MYPN: variants seen among roughly 807,000 people sequenced by gnomAD.
The protein encoded by MYPN is sarcomeric protein myopalladin, 145 kDa (MYOP).
Under a neutral mutation model 129.4 loss-of-function variants are expected in MYPN, and 63 were observed. The ratio of observed to expected loss-of-function variants is 0.49; its 90% CI spans 0.40 to 0.60. MYPN has a LOEUF of 0.60. MYPN is among the 20% of genes least tolerant of loss of function. The pLI, the probability that MYPN is intolerant of heterozygous loss-of-function variation, is 0.00. For missense variants in MYPN, 1,596 were observed against 1,635.4 expected, an observed-to-expected ratio of 0.98 and a Z score of 0.42; for synonymous variants, 629 against 600.9, an observed-to-expected ratio of 1.05 and a Z score of -0.68.
intron 6 of MYPN, 100 bp from the exon 7 acceptor site, chr10:68,158,386 C>T: frequency 8.4e-7 from 1 of 1,191,096 alleles, no homozygotes; most frequent in South Asian, 1.3e-5. Flanking sequence ...GAGAAAAATC[C>T]AAATATGGAG....
chr10:68,168,925 G>C (rs937213704), intron 10 of MYPN, among the ~76,000 whole-genome samples: 4 of 145,358 alleles, frequency 2.8e-5, no homozygotes, highest in African/African-American at 7.9e-5. Context: ...CCCAGGCACA[G>C]AGGTTGCAGT....
chr10:68,199,514 T>C lies in MYPN; in HGVS notation c.3432T>C (p.Tyr1144=). 2 of 1,614,148 alleles carry C rather than the reference T, an allele frequency of 1.2e-6. No individual in the cohort carries two copies. The highest frequency in any genetic ancestry group is 1.1e-5 in the South Asian group (1 of 91,086). ...DPLTQRDAGT[Y]KCIATNKTGQ... ...TCACTCAGCGCGACGCAGGGACCTA[T>C]AAGTGCATCGCTACCAACAAAACCG... is the stretch of plus-strand genomic sequence containing the variant. Residue 1144 remains tyrosine, a synonymous_variant, in exon 17 of 20, where the codon TAT becomes TAC. Transcript: ENST00000358913.
chr10:68,152,292 G>A (rs929706173), intron 6 of MYPN, among the ~76,000 whole-genome samples: 7 of 152,020 alleles, frequency 4.6e-5, no homozygotes, highest in Non-Finnish European at 7.4e-5. Context: ...TTCCAGGAGG[G>A]TATAATGAGG....
intron 12 of MYPN, among the ~76,000 whole-genome samples, chr10:68,180,443 C>T (rs1374348057): frequency 1.3e-5 from 2 of 152,222 alleles, no homozygotes; most frequent in Non-Finnish European, 2.9e-5. Flanking sequence ...GCCTTAGCCT[C>T]CCAAAGTGCT....
intron 17 of MYPN, among the ~76,000 whole-genome samples, chr10:68,201,238 C>A (rs2043704541): frequency 6.6e-6 from 1 of 152,162 alleles, no homozygotes; most frequent in Non-Finnish European, 1.5e-5. Flanking sequence ...GCATCCCATG[C>A]GAACGACCCA....
chr10:68,175,498 T>A (rs1352483680), intron 12 of MYPN, 37 bp downstream of exon 12: 2 of 1,611,100 alleles, frequency 1.2e-6, no homozygotes, highest in African/African-American at 2.7e-5. Flanking sequence ...ATTGAAATTT[T>A]ATTGTAAGGA....
At chr10:68,141,079 C>G (rs1030784470) in intron 2 of MYPN, among the ~76,000 whole-genome samples, 4 of 150,922 alleles carry the variant, frequency 2.7e-5, no homozygotes, top group Admixed American at 6.6e-5. Context: ...CACCACCCCC[C>G]CAAAAAAAGG....
At chr10:68,120,558 G>A (rs1277682123) in intron 1 of MYPN, among the ~76,000 whole-genome samples, 1 of 152,136 alleles carries the variant, frequency 6.6e-6, no homozygotes, top group Non-Finnish European at 1.5e-5. Context: ...AACAGGTTGA[G>A]CCTAATAACA....
intron 18 of MYPN, among the ~76,000 whole-genome samples, chr10:68,205,581 G>T (rs562747606): frequency 6.6e-6 from 1 of 151,822 alleles, no homozygotes; most frequent in Admixed American, 6.6e-5. Flanking sequence ...CAGCTACTTG[G>T]AAAGCTGAGG....
chr10:68,189,081 T>G lies in MYPN; in HGVS notation c.2880T>G (p.Ser960=), dbSNP rs146028308. ...AGCACTTCCGGGTCACAGAAGGCTC[T>G]CCAGTTACATTCACCTGCAAAATTG... ...RLKHFRVTEG[S]PVTFTCKIVG... The change falls in exon 13 of 20, where the codon TCT becomes TCG. Residue 960 remains serine (S), a synonymous_variant. Transcript: ENST00000358913. The G allele has an allele frequency of 1.9e-4, 314 of 1,614,116 alleles. 1 individual carries two copies. In the African/African-American group the frequency reaches 2.7e-3, roughly 14 times the overall value.
At chr10:68,158,360 A>G (rs934857765) in intron 6 of MYPN, 126 bp from the exon 7 acceptor site, 29 of 863,426 alleles carry the variant, frequency 3.4e-5, no homozygotes, top group Middle Eastern at 3.2e-4. Flanking sequence ...AAGCTGCTAG[A>G]GATGTAGATG....
chr10:68,132,182 A>G (rs1392662864), intron 2 of MYPN, among the ~76,000 whole-genome samples: 1 of 152,228 alleles, frequency 6.6e-6, no homozygotes, highest in Non-Finnish European at 1.5e-5. Context: ...CTAAAATACT[A>G]AGATTTTTAA....
upstream of MYPN, among the ~76,000 whole-genome samples, chr10:68,102,046 A>G (rs565986593): frequency 6.6e-6 from 1 of 151,592 alleles, no homozygotes; most frequent in Non-Finnish European, 1.5e-5. Flanking sequence ...TTGAATGATG[A>G]ATATTACCAA....
chr10:68,176,023 A>G (rs1379901607), intron 12 of MYPN, among the ~76,000 whole-genome samples: 1 of 152,158 alleles, frequency 6.6e-6, no homozygotes, highest in Non-Finnish European at 1.5e-5. Context: ...GATTACAGGC[A>G]TAAGACACCA....
At chr10:68,164,277 G>A (rs1465489802) in intron 8 of MYPN, among the ~76,000 whole-genome samples, 1 of 152,238 alleles carries the variant, frequency 6.6e-6, no homozygotes, top group Non-Finnish European at 1.5e-5. Flanking sequence ...GGGCAAGAGA[G>A]CAAATGCGCA....
intron 12 of MYPN, among the ~76,000 whole-genome samples, chr10:68,185,273 AAG>A (rs2043403586): frequency 6.6e-6 from 1 of 152,094 alleles, no homozygotes; most frequent in Non-Finnish European, 1.5e-5. Context: ...GAAAAAAAGA[AAG>A]AAAGAAACTG....
At position 68,136,256 on chromosome 10, in the gene MYPN, C is replaced by T. The variant is rs146765800; in HGVS notation, c.903-6684C>T. The T allele has an allele frequency of 3.9e-4, 388 of 987,268 alleles. No individual in the cohort carries two copies. The African/African-American group carries it at 6.0e-3, about 15-fold the overall frequency. 61.2% of individuals were successfully genotyped at this position (987,268 alleles called of 1,614,324 possible). A position where few individuals can be genotyped will look rare whatever the true frequency, so the allele number is the denominator to read the frequency against. On this transcript the variant is annotated intron_variant, in intron 2 of 19. Coordinates refer to ENST00000358913, the MANE Select transcript of MYPN (RefSeq NM_032578.4). Reference sequence around the variant, plus strand: ...GCAGATCTGGCAAGCCATCCTTGTGCGTGAAAGGTGGGTCCTTTTCTTTAA... The same window carrying T: ...GCAGATCTGGCAAGCCATCCTTGTGTGTGAAAGGTGGGTCCTTTTCTTTAA...
intron 6 of MYPN, 73 bp from the exon 7 acceptor site, chr10:68,158,413 A>G: frequency 6.8e-7 from 1 of 1,474,692 alleles, no homozygotes; most frequent in Non-Finnish European, 9.4e-7. Context: ...TCTTTTTCTA[A>G]AATTCAACAC....
intron 1 of MYPN, among the ~76,000 whole-genome samples, chr10:68,092,046 C>T (rs547109529): frequency 6.6e-6 from 1 of 151,964 alleles, no homozygotes; most frequent in African/African-American, 2.4e-5. Flanking sequence ...TGTGTCACTG[C>T]TCTCCAGTCT....
Sources: allele counts gnomAD v4.1 joint callset (sites outside exome capture counted in the v4.1 genomes callset), GRCh38; gene constraint gnomAD v4.1.1; transcripts MANE v1.5; gene names NCBI Gene and HGNC (gene_info 2026-07-23, HGNC 2026-07-21).